The following PCDHGA5 variants were observed in gnomAD, a reference collection of about 807,000 sequenced individuals.
PCDHGA5 encodes protocadherin gamma-A5.
PCDHGA5 carries 36 observed loss-of-function variants against 56.7 expected under a neutral mutation model. The ratio of observed to expected loss-of-function variants is 0.64; its 90% CI spans 0.49 to 0.84. PCDHGA5 has a LOEUF of 0.84. Among genes scored for constraint, PCDHGA5 ranks in the 40% least tolerant of loss-of-function variants. The pLI is 0.00. For synonymous variants in PCDHGA5, 563 were observed against 520.2 expected, an observed-to-expected ratio of 1.08 and a Z score of -1.12; for missense variants, 1,305 against 1,201.5, an observed-to-expected ratio of 1.09 and a Z score of -1.27.
chr5:141,428,117 G>A lies in PCDHGA5; in HGVS notation c.2421+61366G>A, dbSNP rs980705077. 5 of 1,606,984 alleles carry A rather than the reference G, an allele frequency of 3.1e-6. No individual in the cohort carries two copies. The African/African-American group carries it at 6.7e-5, about 21-fold the overall frequency. Reference sequence around the variant, plus strand: ...CCTACCACGTGCTGCAGGCCATCGAGCCCGGGCTTTTCAGCCTGGGGCTGC... The same window carrying A: ...CCTACCACGTGCTGCAGGCCATCGAACCCGGGCTTTTCAGCCTGGGGCTGC... On this transcript the variant is annotated intron_variant, in intron 1 of 3. Coordinates refer to ENST00000518069, the MANE Select transcript of PCDHGA5 (RefSeq NM_018918.3).
At chr5:141,499,184 A>G (rs2099789986) in intron 2 of PCDHGA5, among the ~76,000 whole-genome samples, 1 of 151,726 alleles carries the variant, frequency 6.6e-6, no homozygotes, top group African/African-American at 2.4e-5. Context: ...CCAGCAAACC[A>G]TTTCCCCCTT....
chr5:141,403,088 G>C (rs1561685667), intron 1 of PCDHGA5: 2 of 1,614,030 alleles, frequency 1.2e-6, no homozygotes, highest in Non-Finnish European at 1.7e-6. Context: ...CTATATTGTG[G>C]GCAACATCTC....
At chr5:141,478,425 A>G (rs1454100826) in intron 1 of PCDHGA5, 1 of 1,613,542 alleles carries the variant, frequency 6.2e-7, no homozygotes, top group African/African-American at 1.3e-5. Context: ...CGCCGCAGCG[A>G]CCCGCTGCTG....
rs759831298 is a variant in PCDHGA5 at position 141,366,644 on chromosome 5, C to T, written c.2314C>T (p.Gln772Ter). 1.2e-6 allele frequency: 2 copies of T among 1,614,268 alleles called. No individual in the cohort carries two copies. Among genetic ancestry groups the T allele is most frequent in the East Asian group, 2.2e-5 (1 of 44,890 alleles). The change falls in exon 1 of 4, where the codon CAG becomes TAG. Residue 772 changes from glutamine to a stop codon, truncating the protein, a stop_gained. Transcript: ENST00000518069. LOFTEE classifies it high-confidence loss of function. ...DSRKSHLIFPQPNYADTLLSE... is the reference protein window; with the variant it reads ...DSRKSHLIFP ...GAGGAAGAGTCACCTGATCTTTCCC[C>T]AGCCCAACTACGCAGACACGCTCCT...
chr5:141,448,834 A>G (rs910945659), intron 1 of PCDHGA5, among the ~76,000 whole-genome samples: 2 of 151,780 alleles, frequency 1.3e-5, no homozygotes, highest in African/African-American at 4.8e-5. Context: ...AGTCCCAGCT[A>G]CTCTGGAGGC....
intron 1 of PCDHGA5, chr5:141,383,705 T>A: frequency 1.2e-6 from 2 of 1,614,020 alleles, no homozygotes; most frequent in Non-Finnish European, 1.7e-6. Flanking sequence ...GCTATCGACC[T>A]GGACGAGGGA....
intron 1 of PCDHGA5, among the ~76,000 whole-genome samples, chr5:141,458,809 T>G (rs2098953834): frequency 6.6e-6 from 1 of 152,190 alleles, no homozygotes; most frequent in Non-Finnish European, 1.5e-5. Flanking sequence ...CTCAGCTCAC[T>G]GCAACCTCTG....
At chr5:141,508,824 G>T (rs893436748) in intron 3 of PCDHGA5, among the ~76,000 whole-genome samples, 1 of 151,952 alleles carries the variant, frequency 6.6e-6, no homozygotes, top group Non-Finnish European at 1.5e-5. Context: ...CCAGATCTGG[G>T]CCCCCCTCCC....
At chr5:141,421,638 C>G (rs775131295) in intron 1 of PCDHGA5, 2 of 1,613,770 alleles carry the variant, frequency 1.2e-6, no homozygotes, top group South Asian at 1.1e-5. Context: ...TCCAGGAGGA[C>G]GAAGTGGAGA....
chr5:141,409,238 G>A (rs2095245468), intron 1 of PCDHGA5: 1 of 1,614,002 alleles, frequency 6.2e-7, no homozygotes, highest in Non-Finnish European at 8.5e-7. Flanking sequence ...CAACAGCCCA[G>A]AAATAATCAT....
chr5:141,415,001 C>G (rs1326591845), intron 1 of PCDHGA5: 2 of 1,613,712 alleles, frequency 1.2e-6, no homozygotes, highest in Non-Finnish European at 1.7e-6. Context: ...GCCTGGCTGT[C>G]CTACCGTCTG....
rs750139205 is a variant in PCDHGA5 at position 141,489,738 on chromosome 5, T to C, written c.2422-5069T>C. Reference sequence around the variant, plus strand: ...AGGATCCGGATGTGGGCACCAATACTGTGAGCTTTTACACTCTAAGCCCCA... The same window carrying C: ...AGGATCCGGATGTGGGCACCAATACCGTGAGCTTTTACACTCTAAGCCCCA... On this transcript the variant is annotated intron_variant, in intron 1 of 3. Coordinates refer to ENST00000518069, the MANE Select transcript of PCDHGA5 (RefSeq NM_018918.3). This position sits in a 1 kb window ranked among gnomAD's most constrained non-coding sequence, Gnocchi z 4.5. 1 of 1,614,168 alleles carries C rather than the reference T, an allele frequency of 6.2e-7. No individual in the cohort carries two copies. Among genetic ancestry groups the C allele is most frequent in the Non-Finnish European group, 8.5e-7 (1 of 1,180,030 alleles).
At position 141,486,671 on chromosome 5, in the gene PCDHGA5, C is replaced by G. The variant is rs1307620045; in HGVS notation, c.2422-8136C>G. 24 of 1,613,926 alleles carry G rather than the reference C, an allele frequency of 1.5e-5. No homozygotes were observed. The highest frequency in any genetic ancestry group is 2.7e-5 in the African/African-American group (2 of 74,932). Reference sequence around the variant, plus strand: ...CTACTCACTCCTGGAGCCCAGGAATCGAGATGTATCAGCTTCCTCTTTCAT... The same window carrying G: ...CTACTCACTCCTGGAGCCCAGGAATGGAGATGTATCAGCTTCCTCTTTCAT... On this transcript the variant is annotated intron_variant, in intron 1 of 3. Transcript: ENST00000518069. The surrounding 1 kb of genome is among the most constrained non-coding windows in gnomAD (Gnocchi z 5.0).
chr5:141,491,353 T>A lies in PCDHGA5; in HGVS notation c.2422-3454T>A. On this transcript the variant is annotated intron_variant, in intron 1 of 3. Coordinates refer to ENST00000518069, the MANE Select transcript of PCDHGA5 (RefSeq NM_018918.3). This position sits in a 1 kb window ranked among gnomAD's most constrained non-coding sequence, Gnocchi z 6.9. ...GGCTCTAGCGACCGTCAGTCTCTTATCCCTAGTCACCTTCACCTTTCTGTC... is the reference window on the plus strand; with the variant it reads ...GGCTCTAGCGACCGTCAGTCTCTTAACCCTAGTCACCTTCACCTTTCTGTC... The A allele has an allele frequency of 6.2e-7, 1 of 1,614,160 alleles. No homozygotes were observed. Among genetic ancestry groups the A allele is most frequent in the South Asian group, 1.1e-5 (1 of 91,080 alleles).
At chr5:141,437,047 G>C (rs2097860477) in intron 1 of PCDHGA5, among the ~76,000 whole-genome samples, 1 of 152,214 alleles carries the variant, frequency 6.6e-6, no homozygotes, top group Admixed American at 6.5e-5. Context: ...AAACCAGAAG[G>C]CTGGTGATCA....
Position 141,491,886 on chromosome 5 carries a change from G to A in PCDHGA5, c.2422-2921G>A. On this transcript the variant is annotated intron_variant, in intron 1 of 3. Coordinates refer to ENST00000518069, the MANE Select transcript of PCDHGA5 (RefSeq NM_018918.3). The surrounding 1 kb of genome is among the most constrained non-coding windows in gnomAD (Gnocchi z 6.9). ...CCAGAGTGGCCGATTAAGGGATGGG[G>A]CTCCGAGCACCGGGGGTGGTGGCGA... 6.9e-7 allele frequency: 1 copy of A among 1,445,558 alleles called. No individual in the cohort carries two copies. Among genetic ancestry groups the A allele is most frequent in the Non-Finnish European group, 9.1e-7 (1 of 1,093,458 alleles). 89.5% of individuals were successfully genotyped at this position (1,445,558 alleles called of 1,614,324 possible). A position where few individuals can be genotyped will look rare whatever the true frequency, so the allele number is the denominator to read the frequency against.
Position 141,490,732 on chromosome 5 carries a change from G to T in PCDHGA5, c.2422-4075G>T, listed in dbSNP as rs775388969. 4 of 1,614,188 alleles carry T rather than the reference G, an allele frequency of 2.5e-6. No individual in the cohort carries two copies. Among genetic ancestry groups the T allele is most frequent in the Non-Finnish European group, 3.4e-6 (4 of 1,180,042 alleles). ...CACCTACTCCATTGTAGGAAATCAGGTTCAGGGAGCCCCAGCCTCCTCCTT... is the reference window on the plus strand; with the variant it reads ...CACCTACTCCATTGTAGGAAATCAGTTTCAGGGAGCCCCAGCCTCCTCCTT... On this transcript the variant is annotated intron_variant, in intron 1 of 3. Transcript: ENST00000518069. The surrounding 1 kb of genome is among the most constrained non-coding windows in gnomAD (Gnocchi z 5.4).
intron 1 of PCDHGA5, among the ~76,000 whole-genome samples, chr5:141,425,386 G>C (rs2096871887): frequency 6.6e-6 from 1 of 152,224 alleles, no homozygotes; most frequent in South Asian, 2.1e-4. Context: ...TTCGGAGGTA[G>C]TGATAAAGTT....
At chr5:141,414,890 C>T in intron 1 of PCDHGA5, 5 of 1,614,232 alleles carry the variant, frequency 3.1e-6, no homozygotes, top group Non-Finnish European at 4.2e-6. Context: ...CCCGCCCTCC[C>T]CACAGACGGT....
Sources: gnomAD v4.1 joint callset for allele counts (sites outside exome capture counted in the v4.1 genomes callset) on GRCh38, gnomAD v4.1.1 for gene constraint, Gnocchi (gnomAD v3.1) non-coding constraint, MANE v1.5 for transcripts, NCBI Gene and HGNC (gene_info 2026-07-23, HGNC 2026-07-21) for gene names.